The following STAT3 variants were observed in gnomAD, a reference collection of about 807,000 sequenced individuals.
STAT3 encodes DNA-binding protein APRF.
A neutral mutation model predicts 114.3 loss-of-function variants in STAT3; 7 were observed. The observed-to-expected ratio is 0.06, with a 90% CI of 0.03 to 0.11. STAT3 has a LOEUF of 0.11. Ranked by LOEUF, STAT3 falls within the 10% of genes least tolerant of loss-of-function variation. STAT3 has a pLI of 1.00. For synonymous variants in STAT3, 331 were observed against 354.5 expected (o/e 0.93, Z 0.74); for missense variants, 364 against 960.9 (o/e 0.38, Z 8.21).
intron 4 of STAT3, among the ~76,000 whole-genome samples, chr17:42,342,723 G>A (rs543918622): frequency 9.2e-5 from 14 of 152,224 alleles, no homozygotes; most frequent in African/African-American, 3.1e-4. Flanking sequence ...AAGTGGCAGG[G>A]CTGCGGGTTC....
intron 14 of STAT3, among the ~76,000 whole-genome samples, chr17:42,326,648 C>T (rs915494334): frequency 2.0e-5 from 3 of 152,084 alleles, no homozygotes; most frequent in Non-Finnish European, 4.4e-5. Context: ...GGTGAAACCC[C>T]GTTTCTACTA....
intron 1 of STAT3, among the ~76,000 whole-genome samples, chr17:42,371,289 A>G (rs2084114172): frequency 6.6e-6 from 1 of 152,136 alleles, no homozygotes; most frequent in Non-Finnish European, 1.5e-5. Flanking sequence ...TCAAGTTTGC[A>G]GCAGGATGCA....
chr17:42,331,401 AATG>A, intron 11 of STAT3, 68 bp downstream of exon 11: 1 of 1,366,984 alleles, frequency 7.3e-7, no homozygotes, highest in Non-Finnish European at 1.0e-6. Flanking sequence ...CTCTAGTTCA[AATG>A]ATGTCTGTCA....
chr17:42,384,551 C>G (rs891839225), intron 1 of STAT3, among the ~76,000 whole-genome samples: 1 of 139,904 alleles, frequency 7.1e-6, no homozygotes, highest in Non-Finnish European at 1.6e-5. Flanking sequence ...TACCGGGCTA[C>G]CAGGAATTTT....
chr17:42,316,106 C>G, intron 23 of STAT3: 1 of 1,326,378 alleles, frequency 7.5e-7, no homozygotes, highest in Non-Finnish European at 9.7e-7. Flanking sequence ...CCGAGACACA[C>G]GTGGCCACCA....
intron 4 of STAT3, among the ~76,000 whole-genome samples, chr17:42,343,270 A>C (rs1276463017): frequency 6.6e-6 from 1 of 151,988 alleles, no homozygotes; most frequent in Non-Finnish European, 1.5e-5. Context: ...TCACGGAGAA[A>C]AAGAAAAAAT....
rs764338385 is a variant in STAT3 at position 42,345,568 on chromosome 17, A to G, written c.363T>C (p.Thr121=). The G allele has an allele frequency of 2.5e-6, 4 of 1,604,266 alleles. No individual in the cohort carries two copies. The highest frequency in any genetic ancestry group is 3.4e-6 in the Non-Finnish European group (4 of 1,174,564). Residue 121 remains threonine (T), a synonymous_variant, in exon 4 of 24, where the codon ACT becomes ACC. Coordinates refer to ENST00000264657, the MANE Select transcript of STAT3 (RefSeq NM_139276.3). Reference sequence around the variant, plus strand: ...TTGTCTCAGGTCTCACCTGGGCCGCAGTGGCTGCAGTCTGTAGAAGGCGTG... The same window carrying G: ...TTGTCTCAGGTCTCACCTGGGCCGCGGTGGCTGCAGTCTGTAGAAGGCGTG... ...EESRLLQTAA[T]AAQQGGQANH...
Position 42,324,988 on chromosome 17 carries a change from T to C in STAT3, c.1439A>G (p.Tyr480Cys). The change falls in exon 16 of 24, where the codon TAC becomes TGC. Residue 480 changes from tyrosine to cysteine, a missense_variant. Coordinates refer to ENST00000264657, the MANE Select transcript of STAT3 (RefSeq NM_139276.3). This position sits in a 1 kb window ranked among gnomAD's most constrained non-coding sequence, Gnocchi z 4.5. ...MPNAWASILW[Y>C]NMLTNNPKNV... ...CTTGGGATTGTTGGTCAGCATGTTG[T>C]ACCACAGGATGGACGCCCAGGCATT... 6.2e-7 allele frequency: 1 copy of C among 1,614,176 alleles called. No homozygotes were observed. Among genetic ancestry groups the C allele is most frequent in the Non-Finnish European group, 8.5e-7 (1 of 1,180,016 alleles).
At chr17:42,378,536 C>T (rs2084600864) in intron 1 of STAT3, among the ~76,000 whole-genome samples, 2 of 152,218 alleles carry the variant, frequency 1.3e-5, no homozygotes, top group South Asian at 4.1e-4. Context: ...CGTGAGCCAT[C>T]GCTCCCGGCC....
chr17:42,334,700 C>T (rs2082160887), intron 8 of STAT3, among the ~76,000 whole-genome samples: 1 of 152,172 alleles, frequency 6.6e-6, no homozygotes, highest in South Asian at 2.1e-4. Context: ...CTGCCTCGAC[C>T]TCCCGAAGTA....
intron 2 of STAT3, among the ~76,000 whole-genome samples, chr17:42,347,203 A>AAAAAAAAAC (rs576843040): frequency 6.9e-6 from 1 of 144,872 alleles, no homozygotes; most frequent in Non-Finnish European, 1.5e-5. Context: ...AAAAAAAAAA[A>AAAAAAAAAC]CCACAAAACA....
chr17:42,384,722 T>C (rs2085002481), intron 1 of STAT3, among the ~76,000 whole-genome samples: 1 of 151,754 alleles, frequency 6.6e-6, no homozygotes, highest in Non-Finnish European at 1.5e-5. Context: ...GCCTGGCTAA[T>C]TTTTTTTATT....
intron 1 of STAT3, among the ~76,000 whole-genome samples, chr17:42,379,686 G>C (rs1477811088): frequency 1.3e-5 from 2 of 152,108 alleles, no homozygotes; most frequent in African/African-American, 4.8e-5. Context: ...TCTGGGTCGG[G>C]AGCAATTCCT....
Position 42,342,545 on chromosome 17 carries a change from A to G in STAT3, c.372+3014T>C, listed in dbSNP as rs115820883. Among the ~76,000 whole-genome samples the G allele has an allele frequency of 2.7e-3, 408 of 152,198 alleles. 1 individual carries two copies. The highest frequency in any genetic ancestry group is 9.4e-3 in the African/African-American group (391 of 41,530). On this transcript the variant is annotated intron_variant, in intron 4 of 23. Coordinates refer to ENST00000264657, the MANE Select transcript of STAT3 (RefSeq NM_139276.3). ...TCCTACAGTAATGGTGAGGGTGATG[A>G]TAGTGATGTCAGCAGCAGCAGAAAG...
At chr17:42,373,537 C>A (rs1486472380) in intron 1 of STAT3, among the ~76,000 whole-genome samples, 2 of 151,472 alleles carry the variant, frequency 1.3e-5, no homozygotes, top group Admixed American at 6.6e-5. Flanking sequence ...GGTGACAGAG[C>A]GAGACTCTGC....
At chr17:42,339,187 T>C in intron 5 of STAT3, 127 bp downstream of exon 5, 1 of 884,238 alleles carries the variant, frequency 1.1e-6, no homozygotes, top group Admixed American at 2.3e-5. Context: ...GCCTGAGAGG[T>C]CGAGGCTGCA....
chr17:42,380,637 C>T (rs1048294670), intron 1 of STAT3, among the ~76,000 whole-genome samples: 3 of 152,122 alleles, frequency 2.0e-5, no homozygotes, highest in African/African-American at 7.2e-5. Context: ...GATCCACCCG[C>T]CTTGGCCTCC....
At chr17:42,368,498 C>T (rs2083925737) in intron 1 of STAT3, among the ~76,000 whole-genome samples, 1 of 152,174 alleles carries the variant, frequency 6.6e-6, no homozygotes, top group African/African-American at 2.4e-5. Context: ...CTCGCCCTGT[C>T]GCCCAGGCTG....
At chr17:42,323,505 A>G (rs2081571692) in intron 18 of STAT3, 68 bp downstream of exon 18, 3 of 1,589,722 alleles carry the variant, frequency 1.9e-6, no homozygotes, top group Admixed American at 1.7e-5. Flanking sequence ...CCTTCAAGCC[A>G]GAGCCCTCAA....
Sources: gnomAD v4.1 joint callset for allele counts (sites outside exome capture counted in the v4.1 genomes callset) on GRCh38, gnomAD v4.1.1 for gene constraint, Gnocchi (gnomAD v3.1) non-coding constraint, MANE v1.5 for transcripts, NCBI Gene and HGNC (gene_info 2026-07-23, HGNC 2026-07-21) for gene names.